CRHBP: variants seen among roughly 807,000 people sequenced by gnomAD.
CRHBP encodes the protein corticotropin releasing hormone binding protein.
A neutral mutation model predicts 34.9 loss-of-function variants in CRHBP; 19 were observed. That is an observed-to-expected ratio of 0.55 (90% CI 0.38 to 0.80). CRHBP has a LOEUF of 0.80. Ranked by LOEUF, CRHBP falls within the 30% of genes least tolerant of loss-of-function variation. The pLI is 0.00. For missense variants in CRHBP, 328 were observed against 409.2 expected, an observed-to-expected ratio of 0.80 and a Z score of 1.71; for synonymous variants, 154 against 153.4, an observed-to-expected ratio of 1.00 and a Z score of -0.03.
At chr5:76,961,525 T>G (rs1258078294) in intron 5 of CRHBP, among the ~76,000 whole-genome samples, 1 of 152,190 alleles carries the variant, frequency 6.6e-6, no homozygotes, top group African/African-American at 2.4e-5. Context: ...TACAAGAACA[T>G]GAAGCCCTGT....
At chr5:76,957,119 C>T (rs1008013013) in intron 4 of CRHBP, among the ~76,000 whole-genome samples, 1 of 152,046 alleles carries the variant, frequency 6.6e-6, no homozygotes, top group Non-Finnish European at 1.5e-5. Context: ...GGAGGAGGAT[C>T]ACTTGAGCCC....
At chr5:76,957,103 G>A (rs755733141) in intron 4 of CRHBP, among the ~76,000 whole-genome samples, 7 of 152,166 alleles carry the variant, frequency 4.6e-5, no homozygotes, top group Admixed American at 2.0e-4. Context: ...CACTTTGGGA[G>A]GCCGAGGAGG....
chr5:76,956,294 T>A (rs1014625822), intron 4 of CRHBP, among the ~76,000 whole-genome samples: 1 of 152,230 alleles, frequency 6.6e-6, no homozygotes, highest in Admixed American at 6.5e-5. Flanking sequence ...GGTAGACCGA[T>A]GTCATGCCCT....
chr5:76,953,491 CCT>C (rs1256132429), intron 1 of CRHBP, 108 bp from the exon 2 acceptor site: 1 of 1,120,898 alleles, frequency 8.9e-7, no homozygotes, highest in African/African-American at 1.5e-5. Flanking sequence ...AAACATTACC[CCT>C]CTCTCTTTAT....
downstream of CRHBP, among the ~76,000 whole-genome samples, chr5:76,972,161 T>A (rs1745956684): frequency 6.6e-6 from 1 of 151,448 alleles, no homozygotes; most frequent in African/African-American, 2.4e-5. Context: ...GCCTCCCAAG[T>A]ATCTGGGGGT....
At chr5:76,954,226 C>T (rs377294117) in intron 3 of CRHBP, 40 bp downstream of exon 3, 21 of 1,598,694 alleles carry the variant, frequency 1.3e-5, no homozygotes, top group Admixed American at 1.7e-5. Flanking sequence ...CGGAGGGCGG[C>T]ACGGGAGGGT....
At chr5:76,976,981 C>T (rs1353352724) in intron 3 of CRHBP, among the ~76,000 whole-genome samples, 1 of 152,122 alleles carries the variant, frequency 6.6e-6, no homozygotes, top group Non-Finnish European at 1.5e-5. Context: ...CAGCAAAAGC[C>T]AATCCCTTCA....
Position 76,958,853 on chromosome 5 carries a change from T to A in CRHBP, c.657T>A (p.Asp219Glu). Residue 219 changes from aspartate (D) to glutamate (E), a missense_variant, in exon 5 of 7, where the codon GAT becomes GAA. By Grantham distance (45) the Asp-to-Glu change is conservative. Transcript: ENST00000274368. ...IIYPVVIKIS[D>E]LTLGHVNGLQ... ...ATCCTGTGGTGATCAAAATATCTGA[T>A]CTTACCCTGGGACACGTAAATGGTC... 6.2e-7 allele frequency: 1 copy of A among 1,614,124 alleles called. No individual in the cohort carries two copies. The highest frequency in any genetic ancestry group is 8.5e-7 in the Non-Finnish European group (1 of 1,180,002).
At chr5:76,953,818 C>A in intron 2 of CRHBP, 124 bp downstream of exon 2, 1 of 1,211,678 alleles carries the variant, frequency 8.3e-7, no homozygotes, top group Non-Finnish European at 1.1e-6. Flanking sequence ...GGGGCGCGGT[C>A]CCCTTAGCTA....
At chr5:76,964,103 C>A (rs1189841888) in intron 6 of CRHBP, among the ~76,000 whole-genome samples, 2 of 152,138 alleles carry the variant, frequency 1.3e-5, no homozygotes, top group African/African-American at 4.8e-5. Context: ...TGAGTATTTT[C>A]ACTTTTTTAT....
chr5:76,953,089 C>G lies in CRHBP; in HGVS notation c.-46C>G. On this transcript the variant is annotated 5_prime_UTR_variant, in exon 1 of 7. Coordinates refer to ENST00000274368, the MANE Select transcript of CRHBP (RefSeq NM_001882.4). ...GCGCGAGGGTGTAGGAAGGAAAGCCCAGGACCTCCGGAGCAGAGCACAGCA... is the reference window on the plus strand; with the variant it reads ...GCGCGAGGGTGTAGGAAGGAAAGCCGAGGACCTCCGGAGCAGAGCACAGCA... 1.2e-6 allele frequency: 2 copies of G among 1,601,734 alleles called. No individual in the cohort carries two copies. The highest frequency in any genetic ancestry group is 1.7e-6 in the Non-Finnish European group (2 of 1,168,792).
At position 76,953,712 on chromosome 5, in the gene CRHBP, G is replaced by T; in HGVS notation, c.175+18G>T. 1 of 1,589,208 alleles carries T rather than the reference G, an allele frequency of 6.3e-7. No homozygotes were observed. Among genetic ancestry groups the T allele is most frequent in the Non-Finnish European group, 8.6e-7 (1 of 1,167,344 alleles). ...CGCTCTGCGTGAGTCGAGGCTGCCCGGCTCGCGGGCGCCCGGGACGCGGGG... is the reference window on the plus strand; with the variant it reads ...CGCTCTGCGTGAGTCGAGGCTGCCCTGCTCGCGGGCGCCCGGGACGCGGGG... On this transcript the variant is annotated intron_variant, in intron 2 of 6. Transcript: ENST00000274368.
chr5:76,966,554 T>A (rs1365489062), intron 6 of CRHBP, among the ~76,000 whole-genome samples: 1 of 152,136 alleles, frequency 6.6e-6, no homozygotes, highest in Non-Finnish European at 1.5e-5. Context: ...TGGTTCAGCT[T>A]TAGGAAGTTT....
downstream of CRHBP, among the ~76,000 whole-genome samples, chr5:76,972,510 T>C (rs558998434): frequency 3.8e-4 from 58 of 151,798 alleles, no homozygotes; most frequent in African/African-American, 1.3e-3. Flanking sequence ...AAAAAAAAAA[T>C]TTATAGAGAC....
At chr5:76,953,401 C>A in intron 1 of CRHBP, 186 bp downstream of exon 1, 1 of 825,650 alleles carries the variant, frequency 1.2e-6, no homozygotes, top group Admixed American at 2.3e-5. Flanking sequence ...AGACTGCCTG[C>A]CTGCCTTCCT....
At chr5:76,978,438 G>A (rs552256228) in intron 3 of CRHBP, among the ~76,000 whole-genome samples, 3 of 152,300 alleles carry the variant, frequency 2.0e-5, no homozygotes, top group African/African-American at 7.2e-5. Flanking sequence ...AGTCTACTCT[G>A]TCTGGGCTCT....
intron 2 of CRHBP, among the ~76,000 whole-genome samples, chr5:76,975,934 GTGTA>G (rs1746024921): frequency 1.9e-5 from 2 of 102,942 alleles, no homozygotes; most frequent in East Asian, 3.1e-4. Flanking sequence ...ATATGTGTGT[GTGTA>G]TATATATATA....
chr5:76,958,673 A>G lies in CRHBP; in HGVS notation c.545-68A>G, dbSNP rs1745727780. On this transcript the variant is annotated intron_variant, in intron 4 of 6. Coordinates refer to ENST00000274368, the MANE Select transcript of CRHBP (RefSeq NM_001882.4). ...AACAGGAGCCCTAGAATAAGATACA[A>G]TAAATGTCTATAAAAACCTAGCAAA... 3.9e-6 allele frequency: 6 copies of G among 1,530,244 alleles called. No individual in the cohort carries two copies. The African/African-American group carries it at 4.2e-5, about 11-fold the overall frequency. 94.8% of individuals were successfully genotyped at this position (1,530,244 alleles called of 1,614,324 possible).
chr5:76,979,984 G>C (rs904797912), intron 3 of CRHBP, among the ~76,000 whole-genome samples: 3 of 146,228 alleles, frequency 2.1e-5, no homozygotes, highest in African/African-American at 5.1e-5. Context: ...GGGCGCGGTG[G>C]CTCACGCCTG....
Sources: gnomAD v4.1 joint callset for allele counts (sites outside exome capture counted in the v4.1 genomes callset) on GRCh38, gnomAD v4.1.1 for gene constraint, MANE v1.5 for transcripts, NCBI Gene and HGNC (gene_info 2026-07-23, HGNC 2026-07-21) for gene names.